Variants in GPC5 observed in about 807,000 individuals in gnomAD.
GPC5 encodes glypican-5.
In GPC5, 47 loss-of-function variants were observed where a neutral mutation model predicts 53.9. That is an observed-to-expected ratio of 0.87 (90% confidence interval 0.69 to 1.11). GPC5 has a LOEUF of 1.11. GPC5 is among the 50% of genes most tolerant of loss of function. GPC5 has a pLI of 0.00. For synonymous variants in GPC5, 286 were observed against 263.3 expected, an observed-to-expected ratio of 1.09 and a Z score of -0.84; for missense variants, 748 against 713.1, an observed-to-expected ratio of 1.05 and a Z score of -0.56.
intron 5 of GPC5, among the ~76,000 whole-genome samples, chr13:91,766,762 A>C (rs1438156696): frequency 6.6e-6 from 1 of 152,196 alleles, no homozygotes; most frequent in East Asian, 1.9e-4. Flanking sequence ...TATGTGGCTG[A>C]GGCAGGAAAA....
chr13:92,591,261 G>C (rs9556194), intron 7 of GPC5, among the ~76,000 whole-genome samples: 150,078 of 152,174 alleles, frequency 0.99, 74,051 homozygotes, highest in East Asian at 1. Context: ...GCTTTTCTCC[G>C]TAAGATGACT....
At chr13:91,799,384 T>C (rs919170285) in intron 5 of GPC5, among the ~76,000 whole-genome samples, 1 of 152,162 alleles carries the variant, frequency 6.6e-6, no homozygotes, top group Non-Finnish European at 1.5e-5. Context: ...TTGGGTCTTA[T>C]GCTGACCACT....
intron 7 of GPC5, among the ~76,000 whole-genome samples, chr13:92,852,274 C>A (rs764440895): frequency 2.0e-5 from 3 of 152,024 alleles, no homozygotes; most frequent in African/African-American, 7.2e-5. Context: ...TACGTTGTAG[C>A]GTGTTTAGCA....
In GPC5 at chr13:91,970,251, G is replaced by A. The variant is rs144574109; in HGVS notation, c.1401+62194G>A. Among the ~76,000 whole-genome samples the A allele has an allele frequency of 3.0e-3, 462 of 152,210 alleles. 3 individuals are homozygous for A. The highest frequency in any genetic ancestry group is 0.01 in the African/African-American group (428 of 41,550). ...CTTATAGAAATAGAAGTAGAGAGTC[G>A]ATTGCTGATTGCCAGGGCCCGGGGA... is the stretch of plus-strand genomic sequence containing the variant. On this transcript the variant is annotated intron_variant, in intron 6 of 7. Coordinates refer to ENST00000377067, the MANE Select transcript of GPC5 (RefSeq NM_004466.6).
At chr13:92,534,550 A>G (rs572216023) in intron 7 of GPC5, among the ~76,000 whole-genome samples, 2 of 152,322 alleles carry the variant, frequency 1.3e-5, no homozygotes, top group South Asian at 4.1e-4. Flanking sequence ...AATCATTACC[A>G]GATTTTTTAG....
intron 7 of GPC5, among the ~76,000 whole-genome samples, chr13:92,370,592 G>A (rs923782953): frequency 4.0e-5 from 6 of 151,590 alleles, no homozygotes; most frequent in African/African-American, 1.5e-4. Flanking sequence ...AAAAATATAT[G>A]AAAAATTAAC....
At chr13:91,408,959 T>A (rs1877523298) in intron 1 of GPC5, among the ~76,000 whole-genome samples, 1 of 152,190 alleles carries the variant, frequency 6.6e-6, no homozygotes, top group South Asian at 2.1e-4. Flanking sequence ...AGAGAATTGG[T>A]TAAAAAGCAC....
chr13:92,171,735 A>G (rs1239603594), intron 7 of GPC5, among the ~76,000 whole-genome samples: 2 of 152,172 alleles, frequency 1.3e-5, no homozygotes, highest in Non-Finnish European at 2.9e-5. Context: ...GAGTGATAGA[A>G]GAATCCTGTT....
At chr13:92,652,630 C>T (rs1188576178) in intron 7 of GPC5, among the ~76,000 whole-genome samples, 2 of 152,120 alleles carry the variant, frequency 1.3e-5, no homozygotes, top group Admixed American at 1.3e-4. Flanking sequence ...CTTTCCTAAT[C>T]TCAATGTCGT....
intron 2 of GPC5, among the ~76,000 whole-genome samples, chr13:91,631,651 T>G (rs1034747018): frequency 6.6e-6 from 1 of 152,016 alleles, no homozygotes; most frequent in African/African-American, 2.4e-5. Flanking sequence ...TATCTCCCTT[T>G]CTTTGCAAGC....
chr13:92,634,169 T>C (rs1790966928), intron 7 of GPC5, among the ~76,000 whole-genome samples: 1 of 152,120 alleles, frequency 6.6e-6, no homozygotes, highest in Admixed American at 6.5e-5. Context: ...TTTGGTGCTT[T>C]TTGGCATAAA....
chr13:92,328,056 G>A (rs1007778248), intron 7 of GPC5, among the ~76,000 whole-genome samples: 7 of 152,116 alleles, frequency 4.6e-5, no homozygotes, highest in African/African-American at 1.2e-4. Context: ...GGAGCTTTGC[G>A]TACACCTCTT....
At chr13:91,419,484 G>T (rs958476577) in intron 1 of GPC5, among the ~76,000 whole-genome samples, 3 of 152,088 alleles carry the variant, frequency 2.0e-5, no homozygotes, top group African/African-American at 2.4e-5. Context: ...GAATAATCCA[G>T]TCAACAACGT....
At chr13:92,405,232 G>A (rs900629763) in intron 7 of GPC5, among the ~76,000 whole-genome samples, 2 of 152,156 alleles carry the variant, frequency 1.3e-5, no homozygotes, top group Non-Finnish European at 2.9e-5. Context: ...ATCCATCGGA[G>A]GGCACAGTCA....
intron 6 of GPC5, among the ~76,000 whole-genome samples, chr13:92,011,446 T>G (rs1319254402): frequency 6.6e-6 from 1 of 152,206 alleles, no homozygotes; most frequent in Non-Finnish European, 1.5e-5. Flanking sequence ...ATAAATACTC[T>G]GTCATGTTTC....
At chr13:92,304,519 C>A (rs931674169) in intron 7 of GPC5, among the ~76,000 whole-genome samples, 2 of 151,918 alleles carry the variant, frequency 1.3e-5, no homozygotes, top group African/African-American at 4.8e-5. Context: ...TTACTTTCAA[C>A]TTTTATTGTT....
rs150951444 is a variant in GPC5 at position 91,667,719 on chromosome 13, G to T, written c.326-25468G>T. On this transcript the variant is annotated intron_variant, in intron 2 of 7. Coordinates refer to ENST00000377067, the MANE Select transcript of GPC5 (RefSeq NM_004466.6). ...GTCAGGTCCTCCAGCTTTAGGTTCA[G>T]GTCTGGGTGGGAGAGTATGCCTGGA... 4.1e-3 allele frequency among the ~76,000 whole-genome samples: 631 copies of T among 152,330 alleles called. 5 individuals are homozygous for T. Among genetic ancestry groups the T allele is most frequent in the African/African-American group, 0.014 (596 of 41,574 alleles).
chr13:92,559,980 G>A (rs892179395), intron 7 of GPC5, among the ~76,000 whole-genome samples: 20 of 151,148 alleles, frequency 1.3e-4, no homozygotes, highest in Middle Eastern at 3.2e-3. Flanking sequence ...AAGAGGCTCT[G>A]GATTCATTTG....
chr13:91,957,054 C>T (rs1381991168), intron 6 of GPC5, among the ~76,000 whole-genome samples: 2 of 151,716 alleles, frequency 1.3e-5, no homozygotes, highest in African/African-American at 2.4e-5. Flanking sequence ...TGCAAGAGAA[C>T]AGAGAAAGAC....
Sources: gnomAD v4.1 joint callset for allele counts (sites outside exome capture counted in the v4.1 genomes callset) on GRCh38, gnomAD v4.1.1 for gene constraint, MANE v1.5 for transcripts, NCBI Gene and HGNC (gene_info 2026-07-23, HGNC 2026-07-21) for gene names.